FYN: variants seen among roughly 807,000 people sequenced by gnomAD.
FYN encodes FYN proto-oncogene, Src family tyrosine kinase, also known as tyrosine-protein kinase Fyn.
In FYN, 10 loss-of-function variants were observed where a neutral mutation model predicts 70.2. That is an observed-to-expected ratio of 0.14 (90% confidence interval 0.09 to 0.24). FYN has a LOEUF of 0.24. Ranked by LOEUF, FYN falls within the 10% of genes least tolerant of loss-of-function variation. The pLI, the probability that FYN is intolerant of heterozygous loss-of-function variation, is 1.00. For missense variants in FYN, 319 were observed against 673.1 expected (o/e 0.47, Z 5.82); for synonymous variants, 236 against 248.6 (o/e 0.95, Z 0.48).
At chr6:111,865,787 C>T (rs72944240) in intron 1 of FYN, among the ~76,000 whole-genome samples, 14,166 of 152,250 alleles carry the variant, frequency 0.093, 840 homozygotes, top group South Asian at 0.13. Context: ...TGAAGTCAAA[C>T]TCGAGGGATT....
chr6:111,690,028 A>G (rs1313887316), intron 12 of FYN, among the ~76,000 whole-genome samples: 1 of 152,218 alleles, frequency 6.6e-6, no homozygotes, highest in Non-Finnish European at 1.5e-5. Flanking sequence ...TCGGCACTGA[A>G]AGCTCATGAA....
intron 12 of FYN, among the ~76,000 whole-genome samples, chr6:111,692,997 TG>T (rs1799406856): frequency 1.3e-5 from 2 of 152,238 alleles, no homozygotes; most frequent in Non-Finnish European, 2.9e-5. Context: ...GCTTGCTGTG[TG>T]GGCATTTGGC....
rs74876971 is a variant in FYN at position 111,831,884 on chromosome 6, C to T, written c.-82+14705G>A. Reference sequence around the variant, plus strand: ...CTCCTGGTGTCTGATAGATTAAATGCCTCATCACACCCTAGAGAGAGGGAG... The same window carrying T: ...CTCCTGGTGTCTGATAGATTAAATGTCTCATCACACCCTAGAGAGAGGGAG... On this transcript the variant is annotated intron_variant, in intron 2 of 13. Coordinates refer to ENST00000354650, the MANE Select transcript of FYN (RefSeq NM_002037.5). Among the ~76,000 whole-genome samples, 622 of 152,196 alleles carry T rather than the reference C, an allele frequency of 4.1e-3. 4 individuals are homozygous for T. Among genetic ancestry groups the T allele is most frequent in the Non-Finnish European group, 6.1e-3 (413 of 68,006 alleles).
At chr6:111,800,298 C>T (rs1042185448) in intron 2 of FYN, among the ~76,000 whole-genome samples, 1 of 152,010 alleles carries the variant, frequency 6.6e-6, no homozygotes, top group African/African-American at 2.4e-5. Flanking sequence ...AGTAATAACA[C>T]GGTACCCCAG....
chr6:111,809,679 C>A (rs1772262582), intron 2 of FYN, among the ~76,000 whole-genome samples: 1 of 152,324 alleles, frequency 6.6e-6, no homozygotes, highest in African/African-American at 2.4e-5. Flanking sequence ...GGAGGTGTGG[C>A]CTTAGGCTCG....
intron 3 of FYN, among the ~76,000 whole-genome samples, chr6:111,725,206 G>C (rs706907): frequency 0.13 from 19,954 of 152,156 alleles, 2,547 homozygotes; most frequent in African/African-American, 0.33. Flanking sequence ...TCTCAGTGGA[G>C]AGAGTTAATC....
chr6:111,736,773 C>T (rs371553801), intron 3 of FYN, among the ~76,000 whole-genome samples: 14 of 152,174 alleles, frequency 9.2e-5, no homozygotes, highest in East Asian at 1.9e-4. Flanking sequence ...TTAATCTGGA[C>T]GCACTAAATG....
At chr6:111,770,166 T>C (rs1803390750) in intron 3 of FYN, among the ~76,000 whole-genome samples, 2 of 152,230 alleles carry the variant, frequency 1.3e-5, no homozygotes, top group Admixed American at 1.3e-4. Context: ...AGATACGCTG[T>C]AAATGTAAAC....
chr6:111,872,933 A>T (rs1003299776), intron 1 of FYN, 35 bp downstream of exon 1: 44 of 149,218 alleles, frequency 2.9e-4, no homozygotes, highest in African/African-American at 9.8e-4. Flanking sequence ...AGCATCCCCG[A>T]GGCCTCCCGC....
At chr6:111,706,249 G>C (rs1220589613) in intron 6 of FYN, among the ~76,000 whole-genome samples, 1 of 152,138 alleles carries the variant, frequency 6.6e-6, no homozygotes, top group Non-Finnish European at 1.5e-5. Context: ...CAAAACCCAA[G>C]GGAGAATGCT....
intron 3 of FYN, among the ~76,000 whole-genome samples, chr6:111,725,834 AG>A (rs894111334): frequency 9.9e-5 from 15 of 152,202 alleles, no homozygotes; most frequent in South Asian, 2.1e-4. Flanking sequence ...GCAAATCCCT[AG>A]GATTTATGAA....
intron 1 of FYN, among the ~76,000 whole-genome samples, chr6:111,870,089 C>CT (rs1287515002): frequency 9.9e-5 from 15 of 152,282 alleles, no homozygotes; most frequent in Admixed American, 9.8e-4. Flanking sequence ...TATTCTGTAT[C>CT]TTTTTTCTGA....
chr6:111,791,056 C>T (rs187919599), intron 2 of FYN, among the ~76,000 whole-genome samples: 1 of 152,048 alleles, frequency 6.6e-6, no homozygotes, highest in Non-Finnish European at 1.5e-5. Context: ...TGGAAATTGA[C>T]AAGCAGATTC....
intron 2 of FYN, among the ~76,000 whole-genome samples, chr6:111,792,880 G>A (rs1387193038): frequency 6.6e-6 from 1 of 152,188 alleles, no homozygotes; most frequent in Non-Finnish European, 1.5e-5. Context: ...AAACTGGGGT[G>A]TATTGGGACT....
intron 3 of FYN, among the ~76,000 whole-genome samples, chr6:111,725,327 G>GA (rs1418893178): frequency 6.6e-6 from 1 of 152,208 alleles, no homozygotes; most frequent in Non-Finnish European, 1.5e-5. Context: ...TTGGGCCACA[G>GA]AAACTGTCAC....
chr6:111,709,417 A>C (rs1455845263), intron 5 of FYN, among the ~76,000 whole-genome samples: 2 of 152,186 alleles, frequency 1.3e-5, no homozygotes, highest in Non-Finnish European at 2.9e-5. Flanking sequence ...GATAGGATTT[A>C]ATAGAGCAAC....
intron 12 of FYN, among the ~76,000 whole-genome samples, chr6:111,679,277 C>T (rs181385431): frequency 8.5e-4 from 129 of 152,330 alleles, no homozygotes; most frequent in African/African-American, 2.8e-3. Flanking sequence ...CTAAAGACTG[C>T]GGTAGGTTTC....
chr6:111,782,559 C>T (rs940770155), intron 2 of FYN, among the ~76,000 whole-genome samples: 6 of 152,140 alleles, frequency 3.9e-5, no homozygotes. Flanking sequence ...AGTGATTAGT[C>T]CATGCTGTTG....
intron 3 of FYN, among the ~76,000 whole-genome samples, chr6:111,751,035 G>GA (rs894863109): frequency 2.0e-5 from 3 of 152,050 alleles, no homozygotes; most frequent in Admixed American, 6.6e-5. Flanking sequence ...AGTCACACTG[G>GA]AAAAAAACAC....
Sources: allele counts gnomAD v4.1 joint callset (sites outside exome capture counted in the v4.1 genomes callset), GRCh38; gene constraint gnomAD v4.1.1; transcripts MANE v1.5; gene names NCBI Gene and HGNC (gene_info 2026-07-23, HGNC 2026-07-21).